RABGAP1L: variants seen among roughly 807,000 people sequenced by gnomAD.
The protein encoded by RABGAP1L is RAB GTPase activating protein 1 like.
RABGAP1L carries 63 observed loss-of-function variants against 137.7 expected under a neutral mutation model. That is an observed-to-expected ratio of 0.46 (90% CI 0.37 to 0.56). RABGAP1L has a LOEUF of 0.56. Ranked by LOEUF, RABGAP1L falls within the 20% of genes least tolerant of loss-of-function variation. The pLI, the probability that RABGAP1L is intolerant of heterozygous loss-of-function variation, is 0.00. For synonymous variants in RABGAP1L, 431 were observed against 433.7 expected (o/e 0.99, Z 0.08); for missense variants, 1,095 against 1,244.0 (o/e 0.88, Z 1.80).
chr1:174,509,638 G>A (rs1196084659), intron 13 of RABGAP1L, among the ~76,000 whole-genome samples: 1 of 152,058 alleles, frequency 6.6e-6, no homozygotes, highest in Non-Finnish European at 1.5e-5. Context: ...ACTTTATGCA[G>A]TGATTCCCAA....
chr1:174,476,420 G>GT (rs899220901), intron 13 of RABGAP1L, among the ~76,000 whole-genome samples: 3 of 152,078 alleles, frequency 2.0e-5, no homozygotes, highest in East Asian at 3.9e-4. Flanking sequence ...TATAATTTCA[G>GT]TTTTTTTCCT....
At chr1:174,540,214 T>G (rs1203780390) in intron 13 of RABGAP1L, among the ~76,000 whole-genome samples, 1 of 152,224 alleles carries the variant, frequency 6.6e-6, no homozygotes, top group Admixed American at 6.5e-5. Context: ...GATGGGTAGA[T>G]TGTAAAAATT....
intron 13 of RABGAP1L, among the ~76,000 whole-genome samples, chr1:174,597,105 G>T (rs971441693): frequency 6.6e-6 from 1 of 152,046 alleles, no homozygotes. Context: ...ATGTGTTGTT[G>T]AATTTGGTTT....
intron 13 of RABGAP1L, among the ~76,000 whole-genome samples, chr1:174,517,929 TAGTTAAG>T (rs1454138502): frequency 6.6e-6 from 1 of 152,182 alleles, no homozygotes; most frequent in Non-Finnish European, 1.5e-5. Flanking sequence ...TTTTTAAAGC[TAGTTAAG>T]AGTTTTAGGA....
chr1:174,636,546 G>A (rs139626664), intron 13 of RABGAP1L, among the ~76,000 whole-genome samples: 3,196 of 150,302 alleles, frequency 0.021, 54 homozygotes, highest in Middle Eastern at 0.086. Context: ...AAAAAAAAGA[G>A]ATCATCTTAA....
intron 11 of RABGAP1L, among the ~76,000 whole-genome samples, chr1:174,319,624 G>A (rs965682102): frequency 1.3e-5 from 2 of 152,058 alleles, no homozygotes; most frequent in African/African-American, 4.8e-5. Context: ...TTCTCTTCCT[G>A]ATCTTAGCAA....
chr1:174,475,414 G>T (rs3737651), intron 13 of RABGAP1L, among the ~76,000 whole-genome samples: 88,258 of 151,940 alleles, frequency 0.58, 27,957 homozygotes, highest in African/African-American at 0.85. Flanking sequence ...CAATAATATT[G>T]TGGACTCATC....
At chr1:174,559,842 A>G (rs908499893) in intron 13 of RABGAP1L, among the ~76,000 whole-genome samples, 1 of 152,190 alleles carries the variant, frequency 6.6e-6, no homozygotes, top group Non-Finnish European at 1.5e-5. Context: ...GTATCCAAAA[A>G]AGTTCCCTTT....
rs539347425 is a variant in RABGAP1L at position 174,285,367 on chromosome 1, T to C, written c.1323+6588T>C. Among the ~76,000 whole-genome samples the C allele has an allele frequency of 1.8e-4, 28 of 152,314 alleles. No individual in the cohort carries two copies. The Middle Eastern group carries it at 0.017, about 93-fold the overall frequency. On this transcript the variant is annotated intron_variant, in intron 10 of 25. Transcript: ENST00000681986. Reference sequence around the variant, plus strand: ...GATCTTTCACTGCCTTGGTTAAATTTATTTGTAAGGGATTTTTTTGTTTGG... The same window carrying C: ...GATCTTTCACTGCCTTGGTTAAATTCATTTGTAAGGGATTTTTTTGTTTGG...
intron 11 of RABGAP1L, among the ~76,000 whole-genome samples, chr1:174,308,368 G>A (rs979924872): frequency 1.3e-5 from 2 of 151,908 alleles, no homozygotes; most frequent in Non-Finnish European, 2.9e-5. Context: ...TTGTTTTGCA[G>A]ATGTTTTTTA....
At chr1:174,254,337 ATACTT>A (rs1417790927) in intron 7 of RABGAP1L, among the ~76,000 whole-genome samples, 1 of 152,134 alleles carries the variant, frequency 6.6e-6, no homozygotes, top group African/African-American at 2.4e-5. Context: ...CATTTTTTAA[ATACTT>A]TAAGTTCTGG....
At chr1:174,194,327 TG>T (rs1407977924) in intron 1 of RABGAP1L, among the ~76,000 whole-genome samples, 1 of 151,164 alleles carries the variant, frequency 6.6e-6, no homozygotes, top group Non-Finnish European at 1.5e-5. Context: ...CTCTGCCTCC[TG>T]GGTTCAAGCG....
At chr1:174,501,177 A>C (rs1020509138) in intron 13 of RABGAP1L, among the ~76,000 whole-genome samples, 4 of 148,490 alleles carry the variant, frequency 2.7e-5, no homozygotes, top group Admixed American at 1.3e-4. Flanking sequence ...GAGACCCTAC[A>C]TTTTCTAAAC....
chr1:174,392,911 T>TA (rs1320242967), intron 12 of RABGAP1L, among the ~76,000 whole-genome samples: 2 of 152,140 alleles, frequency 1.3e-5, no homozygotes, highest in African/African-American at 4.8e-5. Context: ...CTCTAATAGA[T>TA]AAAAAATGAG....
chr1:174,370,319 AGTTTAGTATTG>A (rs1434823827), intron 11 of RABGAP1L, among the ~76,000 whole-genome samples: 1 of 152,080 alleles, frequency 6.6e-6, no homozygotes, highest in African/African-American at 2.4e-5. Flanking sequence ...AGGTTTATAG[AGTTTAGTATTG>A]GTCGTTTTCA....
chr1:174,336,636 T>A (rs187612976), intron 11 of RABGAP1L, among the ~76,000 whole-genome samples: 20 of 152,318 alleles, frequency 1.3e-4, no homozygotes, highest in African/African-American at 4.8e-4. Flanking sequence ...TCTGCTTTCC[T>A]AAAAAATGTC....
intron 7 of RABGAP1L, among the ~76,000 whole-genome samples, chr1:174,254,936 T>C (rs762143093): frequency 8.5e-5 from 13 of 152,348 alleles, no homozygotes; most frequent in Middle Eastern, 3.4e-3. Flanking sequence ...ATGGTTGAAC[T>C]AATTTGCACT....
intron 18 of RABGAP1L, among the ~76,000 whole-genome samples, chr1:174,778,028 C>T (rs1180703496): frequency 6.6e-6 from 1 of 151,908 alleles, no homozygotes; most frequent in Non-Finnish European, 1.5e-5. Context: ...GAAAATTTTT[C>T]CAAATTTGAT....
In RABGAP1L at chr1:174,973,969, A is replaced by ATTGTTTT. The variant is rs1205356634; in HGVS notation, c.2545-2099_2545-2093dup. Among the ~76,000 whole-genome samples the ATTGTTTT allele has an allele frequency of 2.9e-4, 35 of 118,886 alleles. 11 individuals are homozygous for ATTGTTTT. Among genetic ancestry groups the ATTGTTTT allele is most frequent in the African/African-American group, 1.3e-3 (32 of 25,472 alleles). The allele number at this position is 118,886 out of a possible 152,430, so 78.0% of individuals were successfully genotyped here. A position where few individuals can be genotyped will look rare whatever the true frequency, so the allele number is the denominator to read the frequency against. ...TAAGAACACTGAAATGAGCAGTACA[A>ATTGTTTT]TTGTTTTTTGTTTTTTTTTTTTTTT... On this transcript the variant is annotated intron_variant, in intron 21 of 25. Transcript: ENST00000681986.
Sources: gnomAD v4.1 joint callset for allele counts (sites outside exome capture counted in the v4.1 genomes callset) on GRCh38, gnomAD v4.1.1 for gene constraint, MANE v1.5 for transcripts, NCBI Gene and HGNC (gene_info 2026-07-23, HGNC 2026-07-21) for gene names.